SKA3: variants seen among roughly 807,000 people sequenced by gnomAD.
The protein encoded by SKA3 is spindle and kinetochore associated complex subunit 3, also known as spindle and kinetochore-associated protein 3.
SKA3 carries 39 observed loss-of-function variants against 44.2 expected under a neutral mutation model. The ratio of observed to expected loss-of-function variants is 0.88; its 90% CI spans 0.68 to 1.15. The LOEUF is 1.15. Among genes scored for constraint, SKA3 ranks in the 50% most tolerant of loss-of-function variants. The probability of loss-of-function intolerance (pLI) is 0.00; values close to 1 mark genes in which losing one functional copy is unlikely to be tolerated. For missense variants in SKA3, 511 were observed against 485.8 expected (o/e 1.05, Z -0.49); for synonymous variants, 192 against 172.0 (o/e 1.12, Z -0.91).
chr13:21,164,750 T>G (rs939286207), intron 4 of SKA3, among the ~76,000 whole-genome samples: 2 of 152,080 alleles, frequency 1.3e-5, no homozygotes, highest in Non-Finnish European at 2.9e-5. Context: ...ATTTATTTTA[T>G]TTTTATTTTT....
rs557543418 is a variant in SKA3 at position 21,155,024 on chromosome 13, T to C, written c.*126A>G. ...CATATTATGATGTTAATGTTCATGTTTGTCTTTAAAATGGGTCAACGTTTA... is the reference window on the plus strand; with the variant it reads ...CATATTATGATGTTAATGTTCATGTCTGTCTTTAAAATGGGTCAACGTTTA... On this transcript the variant is annotated 3_prime_UTR_variant, in exon 9 of 9. Transcript: ENST00000314759. 6.7e-5 allele frequency: 98 copies of C among 1,463,710 alleles called. No homozygotes were observed. Among genetic ancestry groups the C allele is most frequent in the Non-Finnish European group, 8.6e-5 (91 of 1,063,140 alleles). 90.7% of individuals were successfully genotyped at this position (1,463,710 alleles called of 1,614,324 possible).
intron 6 of SKA3, among the ~76,000 whole-genome samples, chr13:21,159,177 G>T (rs1870298807): frequency 6.6e-6 from 1 of 152,176 alleles, no homozygotes; most frequent in Non-Finnish European, 1.5e-5. Context: ...TACCATATTG[G>T]ACAGTGCAGA....
chr13:21,158,580 C>A (rs1455225352), intron 6 of SKA3, among the ~76,000 whole-genome samples: 5 of 152,110 alleles, frequency 3.3e-5, no homozygotes, highest in Admixed American at 1.3e-4. Context: ...AAGATCGCGC[C>A]ACTGCACTCC....
At chr13:21,162,883 A>G (rs1870514520) in intron 4 of SKA3, among the ~76,000 whole-genome samples, 1 of 152,160 alleles carries the variant, frequency 6.6e-6, no homozygotes, top group African/African-American at 2.4e-5. Context: ...TCTACAAAAA[A>G]TAAAAAAAAA....
At chr13:21,163,688 A>AT (rs1870558339) in intron 4 of SKA3, among the ~76,000 whole-genome samples, 1 of 152,088 alleles carries the variant, frequency 6.6e-6, no homozygotes, top group Non-Finnish European at 1.5e-5. Flanking sequence ...ATGACATCTC[A>AT]TTTTTTTATT....
intron 7 of SKA3, among the ~76,000 whole-genome samples, chr13:21,157,240 T>TA (rs1228801927): frequency 6.6e-6 from 1 of 152,228 alleles, no homozygotes; most frequent in Non-Finnish European, 1.5e-5. Flanking sequence ...AAGAATCAGA[T>TA]ACAGTCAGGC....
rs1262513855 is a variant in SKA3 at position 21,153,788 on chromosome 13, G to C, written c.*1362C>G. On this transcript the variant is annotated 3_prime_UTR_variant, in exon 9 of 9. Transcript: ENST00000314759. Reference sequence around the variant, plus strand: ...CACTTTGAATATATTCCCTCCCTAAGCAGCTCATCCGGTTCTGTGGATTTA... The same window carrying C: ...CACTTTGAATATATTCCCTCCCTAACCAGCTCATCCGGTTCTGTGGATTTA... 6.6e-6 allele frequency: 1 copy of C among 152,228 alleles called. No homozygotes were observed. The highest frequency in any genetic ancestry group is 2.1e-4 in the South Asian group (1 of 4,830). The allele number at this position is 152,228 out of a possible 1,614,324, so 9.4% of individuals were successfully genotyped here.
At chr13:21,165,373 G>C (rs969438274) in intron 4 of SKA3, among the ~76,000 whole-genome samples, 3 of 151,994 alleles carry the variant, frequency 2.0e-5, no homozygotes, top group Non-Finnish European at 2.9e-5. Flanking sequence ...AGTGAGCTAT[G>C]ATGATGCCTC....
intron 3 of SKA3, among the ~76,000 whole-genome samples, chr13:21,169,917 C>T (rs142970507): frequency 3.2e-4 from 48 of 152,274 alleles, no homozygotes; most frequent in African/African-American, 1.1e-3. Flanking sequence ...GGATTACAGG[C>T]GTGAGCCACT....
At chr13:21,159,428 G>GTA (rs575431825) in intron 6 of SKA3, among the ~76,000 whole-genome samples, 82 of 152,138 alleles carry the variant, frequency 5.4e-4, no homozygotes, top group Middle Eastern at 3.4e-3. Context: ...TAAAATATGT[G>GTA]TATATATATG....
chr13:21,176,330 G>A (rs1871521608), intron 1 of SKA3, 45 bp downstream of exon 1: 4 of 1,318,014 alleles, frequency 3.0e-6, no homozygotes, highest in South Asian at 1.6e-5. Context: ...CCCTCCGCCC[G>A]CGGCGCACCC....
At chr13:21,173,759 C>T (rs1871230735) in intron 1 of SKA3, among the ~76,000 whole-genome samples, 1 of 152,262 alleles carries the variant, frequency 6.6e-6, no homozygotes, top group Non-Finnish European at 1.5e-5. Flanking sequence ...ATTGTTGAAA[C>T]ACTTTGGATT....
At chr13:21,164,892 A>G (rs1434655983) in intron 4 of SKA3, among the ~76,000 whole-genome samples, 1 of 152,122 alleles carries the variant, frequency 6.6e-6, no homozygotes, top group Non-Finnish European at 1.5e-5. Flanking sequence ...GTTCCCTTCC[A>G]TATTTCTGAA....
At chr13:21,167,774 A>G (rs1389558858) in intron 4 of SKA3, among the ~76,000 whole-genome samples, 1 of 151,670 alleles carries the variant, frequency 6.6e-6, no homozygotes, top group Non-Finnish European at 1.5e-5. Flanking sequence ...CTCGAAAAAA[A>G]AAAACAAAAA....
At chr13:21,176,256 T>C (rs533515169) in intron 1 of SKA3, 119 bp downstream of exon 1, 2 of 808,660 alleles carry the variant, frequency 2.5e-6, no homozygotes, top group Admixed American at 6.8e-5. Flanking sequence ...TGCGCCTCGG[T>C]GGCAGCCGTC....
In SKA3 at chr13:21,155,164, A is replaced by G. The variant is rs373814362; in HGVS notation, c.*-14T>C. ...CCACTGGAATTTCTGCAACAGATAC[A>G]AATAACAAATATCAATTTAATAAAA... On this transcript the variant is annotated splice_polypyrimidine_tract_variant and intron_variant, in intron 8 of 8. Coordinates refer to ENST00000314759, the MANE Select transcript of SKA3 (RefSeq NM_145061.6). 18 of 1,211,284 alleles carry G rather than the reference A, an allele frequency of 1.5e-5. No individual in the cohort carries two copies. Among genetic ancestry groups the G allele is most frequent in the Non-Finnish European group, 1.9e-5 (17 of 906,758 alleles). The allele number at this position is 1,211,284 out of a possible 1,614,324, so 75.0% of individuals were successfully genotyped here. A position where few individuals can be genotyped will look rare whatever the true frequency, so the allele number is the denominator to read the frequency against.
At chr13:21,162,368 A>ATTTTTTT (rs71090571) in intron 4 of SKA3, among the ~76,000 whole-genome samples, 1 of 147,562 alleles carries the variant, frequency 6.8e-6, no homozygotes. Context: ...TTGTGTAAAC[A>ATTTTTTT]TTTTTTTTTT....
intron 3 of SKA3, among the ~76,000 whole-genome samples, chr13:21,170,029 C>T (rs751569061): frequency 1.3e-5 from 2 of 152,108 alleles, no homozygotes; most frequent in Non-Finnish European, 2.9e-5. Context: ...TTCGTAACTT[C>T]CAGATGCCTC....
intron 1 of SKA3, among the ~76,000 whole-genome samples, chr13:21,175,432 A>C (rs1871430982): frequency 6.6e-6 from 1 of 151,004 alleles, no homozygotes; most frequent in Non-Finnish European, 1.5e-5. Flanking sequence ...GCCCGCCACC[A>C]CGCCCGGCTA....
Sources: allele counts gnomAD v4.1 joint callset (sites outside exome capture counted in the v4.1 genomes callset), GRCh38; gene constraint gnomAD v4.1.1; transcripts MANE v1.5; gene names NCBI Gene and HGNC (gene_info 2026-07-23, HGNC 2026-07-21).